PPARGC1A: variants seen among roughly 807,000 people sequenced by gnomAD.
PPARGC1A encodes PPARG coactivator 1 alpha, also known as peroxisome proliferator-activated receptor gamma coactivator 1-alpha.
Under a neutral mutation model 88.7 loss-of-function variants are expected in PPARGC1A, and 25 were observed. That is an observed-to-expected ratio of 0.28 (90% CI 0.21 to 0.39). The LOEUF is 0.39. Ranked by LOEUF, PPARGC1A falls within the 10% of genes least tolerant of loss-of-function variation. PPARGC1A has a pLI of 1.00. For synonymous variants in PPARGC1A, 363 were observed against 355.6 expected (o/e 1.02, Z -0.24); for missense variants, 880 against 968.7 (o/e 0.91, Z 1.22).
intron 1 of PPARGC1A, among the ~76,000 whole-genome samples, chr4:23,887,464 G>A (rs1311738821): frequency 6.6e-6 from 1 of 152,162 alleles, no homozygotes; most frequent in Non-Finnish European, 1.5e-5. Flanking sequence ...CTCTGTAACA[G>A]GTGTGCTTTA....
the PPARGC1A span, among the ~76,000 whole-genome samples, chr4:24,200,658 A>C: frequency 8.8e-6 from 1 of 114,052 alleles, no homozygotes; most frequent in Admixed American, 7.6e-5. Context: ...TATTAAGCAA[A>C]AAAAAAAAAA....
the PPARGC1A span, among the ~76,000 whole-genome samples, chr4:24,374,704 C>G: frequency 6.6e-6 from 1 of 152,108 alleles, no homozygotes; most frequent in Admixed American, 6.5e-5. Context: ...CACTTCACAC[C>G]CACTAGGATT....
the PPARGC1A span, among the ~76,000 whole-genome samples, chr4:24,279,197 G>A: frequency 1.3e-5 from 2 of 152,110 alleles, no homozygotes; most frequent in Admixed American, 6.6e-5. Flanking sequence ...CAATCAAAGG[G>A]TATATGGCTT....
chr4:24,120,970 T>C, the PPARGC1A span, among the ~76,000 whole-genome samples: 1 of 152,240 alleles, frequency 6.6e-6, no homozygotes, highest in South Asian at 2.1e-4. Flanking sequence ...TGGACTTCTC[T>C]GCTCAGTGGC....
the PPARGC1A span, among the ~76,000 whole-genome samples, chr4:24,471,174 T>TAGGTGCG: frequency 3.3e-5 from 5 of 150,360 alleles, no homozygotes; most frequent in Non-Finnish European, 5.9e-5. The surrounding 1 kb of genome is among the most constrained non-coding windows in gnomAD (Gnocchi z 5.4). Context: ...GCGGGCCAGC[T>TAGGTGCG]CCCCCCGCGG....
chr4:24,301,069 G>C, the PPARGC1A span, among the ~76,000 whole-genome samples: 5 of 151,884 alleles, frequency 3.3e-5, no homozygotes, highest in South Asian at 2.1e-4. Context: ...TCCCTAATTT[G>C]TTTAAGCCAA....
At position 23,812,811 on chromosome 4, in the gene PPARGC1A, C is replaced by T; in HGVS notation, c.1955G>A (p.Arg652Lys). 1 of 1,614,054 alleles carries T rather than the reference C, an allele frequency of 6.2e-7. No homozygotes were observed. The highest frequency in any genetic ancestry group is 8.5e-7 in the Non-Finnish European group (1 of 1,180,006). ...CTCAGACTCTCGCTTCTCATACTCT[C>T]TGCGATATTCTTCCCTCTTCAGCCT... The part of the protein sequence containing the change: ...HERLKREEYR[R>K]EYEKRESERA... The change falls in exon 10 of 13, where the codon AGA becomes AAA. Residue 652 changes from arginine (R) to lysine (K), a missense_variant. Arg to Lys is a conservative substitution (Grantham distance 26). Transcript: ENST00000264867.
chr4:23,992,396 T>C, the PPARGC1A span, among the ~76,000 whole-genome samples: 22 of 152,206 alleles, frequency 1.4e-4, no homozygotes, highest in Admixed American at 3.3e-4. Flanking sequence ...GCCAAGCATT[T>C]TTCTGAGCAC....
the PPARGC1A span, among the ~76,000 whole-genome samples, chr4:24,015,393 T>C: frequency 6.6e-6 from 1 of 152,148 alleles, no homozygotes; most frequent in Admixed American, 6.6e-5. Flanking sequence ...AGTATTTGTA[T>C]ATAAGCTGAT....
In PPARGC1A at chr4:23,795,610, T is replaced by C. The variant is rs970710375; in HGVS notation, c.*212A>G. 2 of 506,822 alleles carry C rather than the reference T, an allele frequency of 3.9e-6. No homozygotes were observed. The highest frequency in any genetic ancestry group is 7.0e-6 in the Non-Finnish European group (2 of 286,188). The allele number at this position is 506,822 out of a possible 1,614,324, so 31.4% of individuals were successfully genotyped here. ...CATGTGCTTACTGGATATCATTCTG[T>C]CTCTTGCCTCTTCAGCAGCTGTGTT... On this transcript the variant is annotated 3_prime_UTR_variant, in exon 13 of 13. Transcript: ENST00000264867.
the PPARGC1A span, among the ~76,000 whole-genome samples, chr4:24,410,236 A>G: frequency 6.6e-6 from 1 of 152,212 alleles, no homozygotes; most frequent in Non-Finnish European, 1.5e-5. Flanking sequence ...ATAGTTTTGT[A>G]ATAAAACATA....
chr4:24,253,534 T>G, the PPARGC1A span, among the ~76,000 whole-genome samples: 1 of 152,172 alleles, frequency 6.6e-6, no homozygotes, highest in Non-Finnish European at 1.5e-5. Context: ...AGCTTTGAAA[T>G]TTTTCAAAAT....
At chr4:24,109,002 ACACACACACACACACAC>A in the PPARGC1A span, among the ~76,000 whole-genome samples, 43 of 150,138 alleles carry the variant, frequency 2.9e-4, no homozygotes, top group South Asian at 1.3e-3. Context: ...AAAATCACAC[ACACACACACACACACAC>A]CACACACACA....
At chr4:23,990,581 G>A in the PPARGC1A span, among the ~76,000 whole-genome samples, 1 of 152,076 alleles carries the variant, frequency 6.6e-6, no homozygotes, top group Non-Finnish European at 1.5e-5. Context: ...AGCCACTCTG[G>A]AGACTGAGTT....
chr4:24,472,890 G>C, the PPARGC1A span, among the ~76,000 whole-genome samples: 3 of 150,962 alleles, frequency 2.0e-5, no homozygotes, highest in African/African-American at 7.3e-5. This position sits in a 1 kb window ranked among gnomAD's most constrained non-coding sequence, Gnocchi z 4.5. Flanking sequence ...GGCAGCGCGA[G>C]CGGGCGGGCG....
the PPARGC1A span, among the ~76,000 whole-genome samples, chr4:24,373,478 C>T: frequency 6.6e-6 from 1 of 152,188 alleles, no homozygotes; most frequent in African/African-American, 2.4e-5. Flanking sequence ...ATGTTAATAT[C>T]GTTTGTCTCT....
chr4:24,241,763 C>T, the PPARGC1A span, among the ~76,000 whole-genome samples: 3 of 152,110 alleles, frequency 2.0e-5, no homozygotes, highest in Non-Finnish European at 4.4e-5. Context: ...CCAGATGTTT[C>T]GGGAGGGGGG....
At chr4:24,152,435 A>T in the PPARGC1A span, among the ~76,000 whole-genome samples, 1 of 152,154 alleles carries the variant, frequency 6.6e-6, no homozygotes, top group Non-Finnish European at 1.5e-5. Flanking sequence ...CTTTTTACAC[A>T]ATTCAAAGTA....
the PPARGC1A span, among the ~76,000 whole-genome samples, chr4:24,052,616 G>A: frequency 7.5e-5 from 11 of 146,486 alleles, no homozygotes; most frequent in African/African-American, 1.3e-4. Context: ...CAGCCTGGGC[G>A]ACAGAGTGAG....
Sources: gnomAD v4.1 joint callset for allele counts (sites outside exome capture counted in the v4.1 genomes callset) on GRCh38, gnomAD v4.1.1 for gene constraint, Gnocchi (gnomAD v3.1) non-coding constraint, MANE v1.5 for transcripts, NCBI Gene and HGNC (gene_info 2026-07-23, HGNC 2026-07-21) for gene names.